The following FARS2 variants were observed in gnomAD, a reference collection of about 807,000 sequenced individuals.
FARS2 encodes the protein phenylalanine--tRNA ligase, mitochondrial.
Under a neutral mutation model 46.4 loss-of-function variants are expected in FARS2, and 40 were observed. That is an observed-to-expected ratio of 0.86 (90% CI 0.67 to 1.12). The LOEUF (loss-of-function observed/expected upper bound fraction) is 1.12. Among genes scored for constraint, FARS2 ranks in the 50% most tolerant of loss-of-function variants. The pLI is 0.00. For missense variants in FARS2, 513 were observed against 567.9 expected (o/e 0.90, Z 0.98); for synonymous variants, 234 against 214.9 (o/e 1.09, Z -0.78).
chr6:5,284,270 C>T (rs906202160), intron 1 of FARS2, among the ~76,000 whole-genome samples: 1 of 152,186 alleles, frequency 6.6e-6, no homozygotes, highest in African/African-American at 2.4e-5. Context: ...GTGATGGTTT[C>T]TCATAAATCA....
intron 6 of FARS2, among the ~76,000 whole-genome samples, chr6:5,648,644 C>G (rs907046053): frequency 1.3e-5 from 2 of 151,988 alleles, no homozygotes; most frequent in Non-Finnish European, 2.9e-5. Flanking sequence ...CCTTTATTCT[C>G]TCCTCTTTTC....
intron 6 of FARS2, among the ~76,000 whole-genome samples, chr6:5,620,372 T>C (rs1582603697): frequency 6.6e-6 from 1 of 152,184 alleles, no homozygotes; most frequent in East Asian, 1.9e-4. Context: ...CATTTTATGT[T>C]ATGAGCAGTG....
intron 4 of FARS2, chr6:5,467,044 A>G (rs950001425): frequency 3.0e-6 from 3 of 985,060 alleles, no homozygotes; most frequent in Non-Finnish European, 3.6e-6. Context: ...TAGATGGACC[A>G]TGGGATACCA....
At chr6:5,681,356 G>A (rs943005130) in intron 6 of FARS2, among the ~76,000 whole-genome samples, 3 of 152,216 alleles carry the variant, frequency 2.0e-5, no homozygotes, top group Non-Finnish European at 4.4e-5. Context: ...GTAAAGAGAA[G>A]AATATGTGAC....
At chr6:5,420,911 C>T (rs925493641) in intron 3 of FARS2, among the ~76,000 whole-genome samples, 3 of 151,892 alleles carry the variant, frequency 2.0e-5, no homozygotes, top group Non-Finnish European at 1.5e-5. Flanking sequence ...TGGTTGTGGA[C>T]CCCAGACCCA....
chr6:5,686,634 G>C (rs1203305604), intron 6 of FARS2, among the ~76,000 whole-genome samples: 1 of 152,146 alleles, frequency 6.6e-6, no homozygotes, highest in East Asian at 1.9e-4. Flanking sequence ...CCAAGTCTTT[G>C]CTATTGTGAA....
chr6:5,318,721 C>T (rs966988885), intron 1 of FARS2, among the ~76,000 whole-genome samples: 3 of 152,160 alleles, frequency 2.0e-5, no homozygotes, highest in African/African-American at 7.2e-5. Flanking sequence ...TTCCCCTTGG[C>T]TCACTCTATG....
In FARS2 at chr6:5,727,601, T is replaced by G. The variant is rs926891844; in HGVS notation, c.1218-43690T>G. 1.3e-4 allele frequency among the ~76,000 whole-genome samples: 20 copies of G among 152,178 alleles called. 1 individual carries two copies. Among genetic ancestry groups the G allele is most frequent in the Admixed American group, 1.1e-3 (17 of 15,282 alleles). On this transcript the variant is annotated intron_variant, in intron 6 of 6. Coordinates refer to ENST00000274680, the MANE Select transcript of FARS2 (RefSeq NM_006567.5). The surrounding 1 kb of genome is among the most constrained non-coding windows in gnomAD (Gnocchi z 4.1). Reference sequence around the variant, plus strand: ...CTGCAGCTGTTACTGTATCCCTGTCTTCCTACTGAGGCCATGCTTGGGCCA... The same window carrying G: ...CTGCAGCTGTTACTGTATCCCTGTCGTCCTACTGAGGCCATGCTTGGGCCA...
At chr6:5,688,834 A>C (rs1330141190) in intron 6 of FARS2, among the ~76,000 whole-genome samples, 2 of 151,980 alleles carry the variant, frequency 1.3e-5, no homozygotes, top group African/African-American at 4.8e-5. Flanking sequence ...CTGGTCCTGG[A>C]CTTTTTTTGG....
Position 5,365,518 on chromosome 6 carries a change from T to A in FARS2, c.-21-3032T>A, listed in dbSNP as rs1259145804. Among the ~76,000 whole-genome samples the A allele has an allele frequency of 1.4e-3, 205 of 144,232 alleles. 2 individuals carry two copies. Among genetic ancestry groups the A allele is most frequent in the South Asian group, 6.7e-3 (30 of 4,468 alleles). 94.6% of individuals were successfully genotyped at this position (144,232 alleles called of 152,430 possible). ...CTAATTTATTAAATAAAATTTTTTT[T>A]TTTTTTTTTTTTTTGTAGAGATAGG... is the stretch of plus-strand genomic sequence containing the variant. On this transcript the variant is annotated intron_variant, in intron 1 of 6. Transcript: ENST00000274680.
intron 6 of FARS2, among the ~76,000 whole-genome samples, chr6:5,717,385 G>GTGTCTA (rs1554128777): frequency 5.3e-5 from 8 of 150,476 alleles, no homozygotes; most frequent in Non-Finnish European, 8.8e-5. Context: ...GTGTGTGTGT[G>GTGTCTA]TGTGTCTATG....
At chr6:5,335,328 GA>G (rs1195693668) in intron 1 of FARS2, among the ~76,000 whole-genome samples, 3 of 152,172 alleles carry the variant, frequency 2.0e-5, no homozygotes, top group African/African-American at 7.2e-5. Context: ...ATGAGAATAA[GA>G]AATGAATTAA....
chr6:5,545,059 C>A, intron 4 of FARS2, 121 bp from the exon 5 acceptor site: 1 of 860,850 alleles, frequency 1.2e-6, no homozygotes, highest in Admixed American at 2.1e-5. Context: ...GTAGCGGCTG[C>A]CCAGTGCCTT....
intron 4 of FARS2, among the ~76,000 whole-genome samples, chr6:5,530,421 GA>G (rs1769748677): frequency 6.6e-6 from 1 of 151,964 alleles, no homozygotes; most frequent in African/African-American, 2.4e-5. Context: ...TAATGGGAGG[GA>G]AAAAATGCTA....
chr6:5,405,634 A>G (rs1012691346), intron 3 of FARS2, among the ~76,000 whole-genome samples: 1 of 151,778 alleles, frequency 6.6e-6, no homozygotes, highest in Non-Finnish European at 1.5e-5. Flanking sequence ...CTGGGATGAC[A>G]GGCGCCCACC....
intron 4 of FARS2, among the ~76,000 whole-genome samples, chr6:5,535,879 T>C (rs1770162050): frequency 6.6e-6 from 1 of 152,154 alleles, no homozygotes; most frequent in Non-Finnish European, 1.5e-5. Context: ...ACTCCTGGGG[T>C]AAATCCATTT....
At chr6:5,286,152 A>G (rs1378094499) in intron 1 of FARS2, among the ~76,000 whole-genome samples, 1 of 152,082 alleles carries the variant, frequency 6.6e-6, no homozygotes, top group Admixed American at 6.6e-5. Flanking sequence ...TGAACATTGG[A>G]TTGATTGTTG....
intron 1 of FARS2, among the ~76,000 whole-genome samples, chr6:5,286,669 A>G (rs978775051): frequency 6.6e-6 from 1 of 152,340 alleles, no homozygotes; most frequent in Non-Finnish European, 1.5e-5. Context: ...TATTATATAC[A>G]TAATTATATT....
intron 3 of FARS2, 58 bp from the exon 4 acceptor site, chr6:5,430,983 C>G: frequency 6.4e-7 from 1 of 1,562,980 alleles, no homozygotes; most frequent in Non-Finnish European, 8.7e-7. Flanking sequence ...AATTTGATCA[C>G]AAGAAAGGGC....
Sources: allele counts gnomAD v4.1 joint callset (sites outside exome capture counted in the v4.1 genomes callset), GRCh38; gene constraint gnomAD v4.1.1; non-coding constraint Gnocchi (gnomAD v3.1); transcripts MANE v1.5; gene names NCBI Gene and HGNC (gene_info 2026-07-23, HGNC 2026-07-21).